Variants in ACVR2B observed in about 807,000 individuals in gnomAD.
ACVR2B encodes the protein activin receptor type-2B.
Under a neutral mutation model 65.1 loss-of-function variants are expected in ACVR2B, and 18 were observed. The observed-to-expected ratio is 0.28, with a 90% CI of 0.19 to 0.41. The LOEUF is 0.41. ACVR2B is among the 10% of genes least tolerant of loss of function. The pLI is 1.00. For missense variants in ACVR2B, 482 were observed against 682.7 expected (o/e 0.71, Z 3.28); for synonymous variants, 298 against 277.7 (o/e 1.07, Z -0.73).
chr3:38,480,702 G>A (rs1174055877), intron 7 of ACVR2B, among the ~76,000 whole-genome samples: 1 of 152,204 alleles, frequency 6.6e-6, no homozygotes, highest in African/African-American at 2.4e-5. Flanking sequence ...AAGGTTGAAT[G>A]TTGTCTCTGC....
In ACVR2B at chr3:38,488,858, G is replaced by GTC. The variant is rs1710166011; in HGVS notation, c.*5528_*5529dup. On this transcript the variant is annotated 3_prime_UTR_variant, in exon 11 of 11. Transcript: ENST00000352511. ...TTCTCTAGGGCAGTGTCTTTGGATT[G>GTC]TCTAGGGCCTAGGTAATTCTGAGAA... 2 of 152,184 alleles carry GTC rather than the reference G, an allele frequency of 1.3e-5. No individual in the cohort carries two copies. Among genetic ancestry groups the GTC allele is most frequent in the Admixed American group, 6.5e-5 (1 of 15,282 alleles). 9.4% of individuals were successfully genotyped at this position (152,184 alleles called of 1,614,324 possible).
At chr3:38,480,476 G>A (rs1709999406) in intron 7 of ACVR2B, among the ~76,000 whole-genome samples, 1 of 152,152 alleles carries the variant, frequency 6.6e-6, no homozygotes, top group African/African-American at 2.4e-5. Context: ...GACAAGTACT[G>A]TATTTCTCAG....
Position 38,454,116 on chromosome 3 carries a change from C to T in ACVR2B, c.-207C>T, listed in dbSNP as rs1709498789. 2 of 194,458 alleles carry T rather than the reference C, an allele frequency of 1.0e-5. No homozygotes were observed. The highest frequency in any genetic ancestry group is 1.6e-4 in the South Asian group (1 of 6,264). The allele number at this position is 194,458 out of a possible 1,614,324, so 12.0% of individuals were successfully genotyped here. On this transcript the variant is annotated 5_prime_UTR_variant, in exon 1 of 11. Transcript: ENST00000352511. ...GAGCCCGGGCCGCAGCCTGCGCCGC[C>T]CGCAGCGGCCCTGAGCCCGGCCCCG...
chr3:38,470,327 A>G (rs1049521982), intron 1 of ACVR2B, among the ~76,000 whole-genome samples: 1 of 152,214 alleles, frequency 6.6e-6, no homozygotes, highest in Non-Finnish European at 1.5e-5. Flanking sequence ...AGCCAGAAAG[A>G]AAAAAACAGA....
intron 7 of ACVR2B, among the ~76,000 whole-genome samples, 156 bp downstream of exon 7, chr3:38,479,982 C>A (rs1185263205): frequency 6.6e-6 from 1 of 152,210 alleles, no homozygotes; most frequent in African/African-American, 2.4e-5. Flanking sequence ...CTGGCCTTCC[C>A]ACTGTGTCCT....
At position 38,483,807 on chromosome 3, in the gene ACVR2B, TCCTCTGC is replaced by T. The variant is rs1710065670; in HGVS notation, c.*486_*492del. ...ACATACCTTCCTCAGAAGAGGAGTT[TCCTCTGC>T]CCTCTGCCCTTCTCCCCTGCCTCCC... On this transcript the variant is annotated 3_prime_UTR_variant, in exon 11 of 11. Transcript: ENST00000352511. The surrounding 1 kb of genome is among the most constrained non-coding windows in gnomAD (Gnocchi z 4.8). 2 of 153,668 alleles carry T rather than the reference TCCTCTGC, an allele frequency of 1.3e-5. No individual in the cohort carries two copies. The highest frequency in any genetic ancestry group is 6.5e-5 in the Admixed American group (1 of 15,270). 9.5% of individuals were successfully genotyped at this position (153,668 alleles called of 1,614,324 possible). A position where few individuals can be genotyped will look rare whatever the true frequency, so the allele number is the denominator to read the frequency against.
intron 1 of ACVR2B, chr3:38,459,751 A>T (rs910219690): frequency 1.1e-6 from 1 of 871,702 alleles, no homozygotes; most frequent in Admixed American, 6.2e-5. Context: ...GGGCAGGGCC[A>T]GGCTTCCTGC....
chr3:38,482,824 C>T (rs1169538741), intron 10 of ACVR2B, among the ~76,000 whole-genome samples: 4 of 152,120 alleles, frequency 2.6e-5, no homozygotes, highest in Admixed American at 2.0e-4. Flanking sequence ...ATCAGCACTT[C>T]AAGGCAAGTA....
At position 38,478,314 on chromosome 3, in the gene ACVR2B, G is replaced by A. The variant is rs562145743; in HGVS notation, c.522+22G>A. 47 of 1,614,144 alleles carry A rather than the reference G, an allele frequency of 2.9e-5. No homozygotes were observed. The African/African-American group carries it at 6.0e-4, about 21-fold the overall frequency. On this transcript the variant is annotated intron_variant, in intron 4 of 10. Transcript: ENST00000352511. ...TGAGGTGAGACAGTGCTGGCTTGGGGCAGGGCAGGATAGAGGTGGGGAGGA... is the reference window on the plus strand; with the variant it reads ...TGAGGTGAGACAGTGCTGGCTTGGGACAGGGCAGGATAGAGGTGGGGAGGA...
chr3:38,481,812 A>T lies in ACVR2B; in HGVS notation c.1074+347A>T, dbSNP rs1370307275. On this transcript the variant is annotated intron_variant, in intron 8 of 10. Transcript: ENST00000352511. This position sits in a 1 kb window ranked among gnomAD's most constrained non-coding sequence, Gnocchi z 4.7. ...CCAAACAAAGAACCTGGAAAAAGTA[A>T]CTAAAAATTAAACTTAGGAAATCAT... Among the ~76,000 whole-genome samples, 1 of 152,236 alleles carries T rather than the reference A, an allele frequency of 6.6e-6. No individual in the cohort carries two copies. The highest frequency in any genetic ancestry group is 1.5e-5 in the Non-Finnish European group (1 of 68,038).
chr3:38,456,526 T>C (rs1007922668), intron 1 of ACVR2B, among the ~76,000 whole-genome samples: 1 of 152,228 alleles, frequency 6.6e-6, no homozygotes, highest in Non-Finnish European at 1.5e-5. Context: ...TAGCTGGGGC[T>C]GCCATAACAA....
rs932166003 is a variant in ACVR2B, at chr3:38,491,644, GTCA to G, written c.*8317_*8319del. 2.0e-5 allele frequency: 3 copies of G among 152,206 alleles called. No homozygotes were observed. Among genetic ancestry groups the G allele is most frequent in the African/African-American group, 7.2e-5 (3 of 41,444 alleles). The allele number at this position is 152,206 out of a possible 1,614,324, so 9.4% of individuals were successfully genotyped here. A position where few individuals can be genotyped will look rare whatever the true frequency, so the allele number is the denominator to read the frequency against. ...GAGTTTTAACTTGAAAAGTGTCCAA[GTCA>G]TCATGAAAGGCCGACTGGGAGCAAG... On this transcript the variant is annotated 3_prime_UTR_variant, in exon 11 of 11. Coordinates refer to ENST00000352511, the MANE Select transcript of ACVR2B (RefSeq NM_001106.4).
At chr3:38,459,821 C>T in intron 1 of ACVR2B, 1 of 266,050 alleles carries the variant, frequency 3.8e-6, no homozygotes, top group Non-Finnish European at 5.8e-6. Context: ...ACTGGAGGCC[C>T]TGGTGGAGCG....
Position 38,476,019 on chromosome 3 carries a change from G to A in ACVR2B, c.53-1268G>A, listed in dbSNP as rs1198071141. 5 of 152,306 alleles carry A rather than the reference G, an allele frequency of 3.3e-5. No homozygotes were observed. The East Asian group carries it at 5.8e-4, about 18-fold the overall frequency. 9.4% of individuals were successfully genotyped at this position (152,306 alleles called of 1,614,324 possible). ...CTATCCTCTCGGGTGTCTGTGTGGG[G>A]TTCTGGCAGTGAGGTTGTAAATGCC... is the stretch of plus-strand genomic sequence containing the variant. On this transcript the variant is annotated intron_variant, in intron 1 of 10. Transcript: ENST00000352511.
rs557091815 is a variant in ACVR2B, at chr3:38,481,265, T to G, written c.960-86T>G. ...GATGGCCTGGTCTGGGGCCTGACTC[T>G]AGGGCACAGACTCTAGTATCTTGGG... On this transcript the variant is annotated intron_variant, in intron 7 of 10. Coordinates refer to ENST00000352511, the MANE Select transcript of ACVR2B (RefSeq NM_001106.4). The surrounding 1 kb of genome is among the most constrained non-coding windows in gnomAD (Gnocchi z 4.7). The G allele has an allele frequency of 1.7e-6, 2 of 1,181,814 alleles. No individual in the cohort carries two copies. Among genetic ancestry groups the G allele is most frequent in the African/African-American group, 3.0e-5 (2 of 66,624 alleles). The allele number at this position is 1,181,814 out of a possible 1,614,324, so 73.2% of individuals were successfully genotyped here. A position where few individuals can be genotyped will look rare whatever the true frequency, so the allele number is the denominator to read the frequency against.
In ACVR2B at chr3:38,485,778, T is replaced by C. The variant is rs1488632859; in HGVS notation, c.*2446T>C. 1 of 151,952 alleles carries C rather than the reference T, an allele frequency of 6.6e-6. No individual in the cohort carries two copies. The highest frequency in any genetic ancestry group is 1.5e-5 in the Non-Finnish European group (1 of 67,914). The allele number at this position is 151,952 out of a possible 1,614,324, so 9.4% of individuals were successfully genotyped here. A position where few individuals can be genotyped will look rare whatever the true frequency, so the allele number is the denominator to read the frequency against. On this transcript the variant is annotated 3_prime_UTR_variant, in exon 11 of 11. Coordinates refer to ENST00000352511, the MANE Select transcript of ACVR2B (RefSeq NM_001106.4). The stretch of plus-strand genomic sequence containing the variant: ...ACAGGCCTTACAGCAGTTGCTTTTC[T>C]TTACCATTTATTTCTTTAAGAAGCT...
chr3:38,477,500 C>A lies in ACVR2B; in HGVS notation c.260+6C>A. On this transcript the variant is annotated splice_donor_region_variant and intron_variant, in intron 2 of 10. Transcript: ENST00000352511. This position sits in a 1 kb window ranked among gnomAD's most constrained non-coding sequence, Gnocchi z 6.7. ...GACTTCAACTGCTACGATAGGTACCCCAAGACTTGCCCTCCTTTCCTCTTG... is the reference window on the plus strand; with the variant it reads ...GACTTCAACTGCTACGATAGGTACCACAAGACTTGCCCTCCTTTCCTCTTG... The A allele has an allele frequency of 6.2e-7, 1 of 1,613,210 alleles. No individual in the cohort carries two copies. The highest frequency in any genetic ancestry group is 1.1e-5 in the South Asian group (1 of 90,928).
At chr3:38,455,333 G>A (rs574946160) in intron 1 of ACVR2B, among the ~76,000 whole-genome samples, 125 of 152,294 alleles carry the variant, frequency 8.2e-4, no homozygotes, top group African/African-American at 3.0e-3. Flanking sequence ...TTGAAGCTCT[G>A]GCGAGAAGGT....
chr3:38,462,601 T>C (rs1027203617), intron 1 of ACVR2B, among the ~76,000 whole-genome samples: 2 of 152,270 alleles, frequency 1.3e-5, no homozygotes, highest in Non-Finnish European at 2.9e-5. Flanking sequence ...CTATGTTGGA[T>C]GTCATGGCTT....
Sources: gnomAD v4.1 joint callset for allele counts (sites outside exome capture counted in the v4.1 genomes callset) on GRCh38, gnomAD v4.1.1 for gene constraint, Gnocchi (gnomAD v3.1) non-coding constraint, MANE v1.5 for transcripts, NCBI Gene and HGNC (gene_info 2026-07-23, HGNC 2026-07-21) for gene names.